METTL15: variants seen among roughly 807,000 people sequenced by gnomAD.
METTL15 encodes methyltransferase 15, mitochondrial 12S rRNA N4-cytidine, also known as 12S rRNA N(4)-cytidine methyltransferase METTL15.
A neutral mutation model predicts 38.3 loss-of-function variants in METTL15; 34 were observed. The observed-to-expected ratio is 0.89, with a 90% CI of 0.68 to 1.18. The LOEUF is 1.18. Among genes scored for constraint, METTL15 ranks in the 50% most tolerant of loss-of-function variants. METTL15 has a pLI of 0.00. For synonymous variants in METTL15, 162 were observed against 170.9 expected (o/e 0.95, Z 0.41); for missense variants, 438 against 498.4 (o/e 0.88, Z 1.15).
intron 3 of METTL15, among the ~76,000 whole-genome samples, chr11:28,181,265 T>A (rs1195589867): frequency 2.0e-5 from 3 of 148,248 alleles, no homozygotes; most frequent in Non-Finnish European, 3.0e-5. Context: ...TTTAATTTTT[T>A]TTTTTTTTGT....
intron 5 of METTL15, among the ~76,000 whole-genome samples, chr11:28,379,426 A>G (rs1850357911): frequency 6.6e-6 from 1 of 152,002 alleles, no homozygotes; most frequent in Admixed American, 6.6e-5. Flanking sequence ...CATTTGTTTT[A>G]AGAAATATTT....
chr11:28,409,115 G>A (rs1401862172), intron 5 of METTL15, among the ~76,000 whole-genome samples: 2 of 152,072 alleles, frequency 1.3e-5, no homozygotes, highest in East Asian at 3.8e-4. Flanking sequence ...GGGCGCAGTG[G>A]CTCACGCCTG....
chr11:28,183,828 G>T (rs986823026), intron 3 of METTL15, among the ~76,000 whole-genome samples: 25 of 152,090 alleles, frequency 1.6e-4, no homozygotes, highest in African/African-American at 4.8e-4. Context: ...GTTTCAGAAG[G>T]AATGGTACCA....
chr11:28,375,718 G>A (rs569877013), intron 5 of METTL15, among the ~76,000 whole-genome samples: 17 of 152,156 alleles, frequency 1.1e-4, no homozygotes, highest in Admixed American at 5.9e-4. Context: ...GCTTTTGAAT[G>A]TGTGTGCTCT....
At chr11:28,374,768 T>C (rs1850287003) in intron 5 of METTL15, among the ~76,000 whole-genome samples, 1 of 150,874 alleles carries the variant, frequency 6.6e-6, no homozygotes, top group Non-Finnish European at 1.5e-5. Context: ...ATGCTTCCAG[T>C]TTTTGCCCAT....
intron 4 of METTL15, among the ~76,000 whole-genome samples, chr11:28,221,054 T>A (rs1219851098): frequency 6.6e-6 from 1 of 152,172 alleles, no homozygotes; most frequent in Non-Finnish European, 1.5e-5. Flanking sequence ...GTTGCTATTC[T>A]CGTGGAGTAT....
chr11:28,237,062 A>G (rs1854022440), intron 4 of METTL15, among the ~76,000 whole-genome samples: 1 of 151,960 alleles, frequency 6.6e-6, no homozygotes, highest in Non-Finnish European at 1.5e-5. Flanking sequence ...ACTTTGGTGA[A>G]TCTGATAATT....
intron 5 of METTL15, among the ~76,000 whole-genome samples, chr11:28,414,631 A>AT (rs1242466835): frequency 6.6e-6 from 1 of 152,144 alleles, no homozygotes; most frequent in Non-Finnish European, 1.5e-5. Context: ...TACAATGTCA[A>AT]TTTTTTGTTT....
intron 6 of METTL15, among the ~76,000 whole-genome samples, chr11:28,512,684 G>T (rs1007237961): frequency 6.6e-6 from 1 of 152,118 alleles, no homozygotes; most frequent in African/African-American, 2.4e-5. Flanking sequence ...TAAGTGCCAC[G>T]CACAGCCCCG....
intron 4 of METTL15, among the ~76,000 whole-genome samples, chr11:28,214,711 A>G (rs1177213896): frequency 2.0e-5 from 3 of 152,222 alleles, no homozygotes; most frequent in African/African-American, 7.2e-5. Context: ...TTTTCTATAA[A>G]TAGTATTTCT....
At chr11:28,354,892 T>A (rs1217401829) in intron 4 of METTL15, among the ~76,000 whole-genome samples, 1 of 152,134 alleles carries the variant, frequency 6.6e-6, no homozygotes, top group Non-Finnish European at 1.5e-5. Flanking sequence ...GTAGGAGACA[T>A]GGAACTAGAA....
rs1057101981 is a variant in METTL15, at chr11:28,469,692, T to C, written c.*424+45328T>C. On this transcript the variant is annotated intron_variant and NMD_transcript_variant, in intron 6 of 7. Coordinates refer to the METTL15 transcript ENST00000532947. ...TGTTTGCAGAGCTGTTACAAGAATG[T>C]CTACACATAATAAACACTATGTTTG... 4.6e-5 allele frequency among the ~76,000 whole-genome samples: 7 copies of C among 152,264 alleles called. 1 individual carries two copies. The highest frequency in any genetic ancestry group is 1.9e-4 in the East Asian group (1 of 5,180).
chr11:28,497,007 G>A (rs892515974), intron 6 of METTL15, among the ~76,000 whole-genome samples: 1 of 152,176 alleles, frequency 6.6e-6, no homozygotes, highest in Admixed American at 6.5e-5. Flanking sequence ...GGACATTGAG[G>A]CTAGTACAAA....
At chr11:28,232,266 C>G (rs758982968) in intron 4 of METTL15, among the ~76,000 whole-genome samples, 10 of 151,822 alleles carry the variant, frequency 6.6e-5, no homozygotes, top group Non-Finnish European at 1.0e-4. Context: ...ATCCTTATTA[C>G]TAGCTTTTAC....
At chr11:28,353,895 G>A (rs1018502637) in intron 4 of METTL15, among the ~76,000 whole-genome samples, 1 of 143,564 alleles carries the variant, frequency 7.0e-6, no homozygotes, top group South Asian at 2.2e-4. Flanking sequence ...ACTGCAGTCC[G>A]CAGTCCGGCC....
chr11:28,191,733 C>A (rs754579651), intron 3 of METTL15, among the ~76,000 whole-genome samples: 1 of 151,340 alleles, frequency 6.6e-6, no homozygotes, highest in Non-Finnish European at 1.5e-5. Context: ...TAGATAAACT[C>A]CTGAAAGGCA....
intron 3 of METTL15, chr11:28,163,536 T>C (rs1850546430): frequency 2.5e-6 from 1 of 397,316 alleles, no homozygotes; most frequent in African/African-American, 2.1e-5. Context: ...CTGATCTCTC[T>C]CTCTCTCTCT....
At position 28,300,218 on chromosome 11, in the gene METTL15, A is replaced by G. The variant is rs555556619; in HGVS notation, c.778+3287A>G. ...TGGCAAGCTATAATATGCAATGACT[A>G]TATTTAAATGTGTTTTCTGATTCTG... On this transcript the variant is annotated intron_variant, in intron 6 of 6. Coordinates refer to ENST00000407364, the MANE Select transcript of METTL15 (RefSeq NM_001113528.2). Among the ~76,000 whole-genome samples the G allele has an allele frequency of 3.3e-5, 5 of 152,282 alleles. No homozygotes were observed. The South Asian group carries it at 1.0e-3, about 32-fold the overall frequency.
At chr11:28,476,396 G>A (rs1225820444) in intron 6 of METTL15, among the ~76,000 whole-genome samples, 1 of 152,176 alleles carries the variant, frequency 6.6e-6, no homozygotes, top group East Asian at 1.9e-4. Context: ...TAAGGCAATA[G>A]TGGTGACTCT....
Sources: gnomAD v4.1 joint callset for allele counts (sites outside exome capture counted in the v4.1 genomes callset) on GRCh38, gnomAD v4.1.1 for gene constraint, MANE v1.5 for transcripts, NCBI Gene and HGNC (gene_info 2026-07-23, HGNC 2026-07-21) for gene names.